The following STRN variants were observed in gnomAD, a reference collection of about 807,000 sequenced individuals.
The protein encoded by STRN is striatin.
In STRN, 53 loss-of-function variants were observed where a neutral mutation model predicts 96.3. That is an observed-to-expected ratio of 0.55 (90% confidence interval 0.44 to 0.69). The LOEUF is 0.69. STRN is among the 30% of genes least tolerant of loss of function. The pLI is 0.00. For missense variants in STRN, 987 were observed against 963.9 expected, an observed-to-expected ratio of 1.02 and a Z score of -0.32; for synonymous variants, 428 against 355.9, an observed-to-expected ratio of 1.20 and a Z score of -2.28.
chr2:36,941,482 G>A (rs533865501), intron 1 of STRN, among the ~76,000 whole-genome samples: 197 of 151,592 alleles, frequency 1.3e-3, no homozygotes, highest in African/African-American at 4.5e-3. Context: ...CTTTGAATTT[G>A]CCTTTCAATG....
chr2:36,934,809 G>A (rs1226712883), intron 1 of STRN, among the ~76,000 whole-genome samples: 1 of 152,150 alleles, frequency 6.6e-6, no homozygotes, highest in Non-Finnish European at 1.5e-5. Flanking sequence ...GGGCACGGTG[G>A]CTCATGCCTG....
chr2:36,842,088 G>A lies in STRN; in HGVS notation c.*7368C>T. The A allele has an allele frequency of 6.6e-6, 1 of 152,182 alleles. No individual in the cohort carries two copies. The highest frequency in any genetic ancestry group is 1.9e-4 in the East Asian group (1 of 5,202). 9.4% of individuals were successfully genotyped at this position (152,182 alleles called of 1,614,324 possible). ...ATTGTCTTGGTCCCATTTCCAAAGGGAAGTAGTTGGATGCCAGCATACTTT... is the reference window on the plus strand; with the variant it reads ...ATTGTCTTGGTCCCATTTCCAAAGGAAAGTAGTTGGATGCCAGCATACTTT... On this transcript the variant is annotated 3_prime_UTR_variant, in exon 18 of 18. Transcript: ENST00000263918.
chr2:36,966,149 G>A, intron 1 of STRN, 81 bp downstream of exon 1: 1 of 1,363,838 alleles, frequency 7.3e-7, no homozygotes, highest in Non-Finnish European at 9.5e-7. Context: ...AGAAGGCTGG[G>A]GGAGGGGGAG....
intron 1 of STRN, among the ~76,000 whole-genome samples, chr2:36,926,252 T>C (rs1670406389): frequency 1.3e-5 from 2 of 152,148 alleles, no homozygotes; most frequent in African/African-American, 4.8e-5. Flanking sequence ...CATTGACAAT[T>C]GAAATACTAT....
rs2540940 is a variant in STRN, at chr2:36,838,011, G to A, written c.*11445C>T. Among the ~76,000 whole-genome samples the A allele has an allele frequency of 0.022, 3,385 of 152,294 alleles. 116 individuals carry two copies. Among genetic ancestry groups the A allele is most frequent in the East Asian group, 0.13 (674 of 5,186 alleles). On this transcript the variant is annotated 3_prime_UTR_variant, in exon 18 of 18. Transcript: ENST00000263918. ...CTTCCATGGTTGATGTTACATTGCA[G>A]GGCAGAGGGACTTGGCAGATGTAAT...
At chr2:36,944,391 C>T (rs764664360) in intron 1 of STRN, among the ~76,000 whole-genome samples, 1 of 152,054 alleles carries the variant, frequency 6.6e-6, no homozygotes, top group Non-Finnish European at 1.5e-5. Flanking sequence ...ATTTGGTAAT[C>T]TCATATAAAC....
chr2:36,958,371 C>G (rs1664945987), intron 1 of STRN, among the ~76,000 whole-genome samples: 2 of 152,118 alleles, frequency 1.3e-5, no homozygotes, highest in African/African-American at 4.8e-5. Context: ...AAGACACTAA[C>G]TAAAAAATAA....
At chr2:36,893,778 T>C (rs1669465669) in intron 7 of STRN, 120 bp downstream of exon 7, 3 of 1,236,040 alleles carry the variant, frequency 2.4e-6, no homozygotes, top group Non-Finnish European at 3.3e-6. Context: ...GTGCTAGTAG[T>C]AATAAGTTCA....
rs973750575 is a variant in STRN at position 36,845,566 on chromosome 2, G to C, written c.*3890C>G. 1.3e-5 allele frequency: 2 copies of C among 152,068 alleles called. No homozygotes were observed. The highest frequency in any genetic ancestry group is 2.9e-5 in the Non-Finnish European group (2 of 67,994). 9.4% of individuals were successfully genotyped at this position (152,068 alleles called of 1,614,324 possible). On this transcript the variant is annotated 3_prime_UTR_variant, in exon 18 of 18. Transcript: ENST00000263918. ...CCACATAAGAACTTCATGACATGCT[G>C]TTTTGTAAGAGGGAAATATATGAAG...
rs1394396920 is a variant in STRN, at chr2:36,843,348, A to T, written c.*6108T>A. On this transcript the variant is annotated 3_prime_UTR_variant, in exon 18 of 18. Transcript: ENST00000263918. ...GGCAGGCCAAAGGCCTTGAAAAATA[A>T]TGTTGATTTGAAGGGGCAGGGAGTG... Among the ~76,000 whole-genome samples, 40 of 152,294 alleles carry T rather than the reference A, an allele frequency of 2.6e-4. No homozygotes were observed. Among genetic ancestry groups the T allele is most frequent in the Admixed American group, 2.6e-3 (40 of 15,292 alleles).
In STRN at chr2:36,851,009, T is replaced by G; in HGVS notation, c.2077A>C (p.Asn693His). Residue 693 changes from asparagine to histidine, a missense_variant, in exon 16 of 18, where the codon AAC becomes CAC. Physicochemically the swap from Asn to His is moderately conservative, Grantham distance 68. Transcript: ENST00000263918. Reference protein sequence around the residue: ...HEDRHIKFYDNNTGKLIHSMV... With the variant: ...HEDRHIKFYDHNTGKLIHSMV... ...CTTAATAAATTCTTACCTGTATTGT[T>G]ATCATAGAATTTGATGTGCCTGTCT... The G allele has an allele frequency of 6.2e-7, 1 of 1,608,756 alleles. No individual in the cohort carries two copies. Among genetic ancestry groups the G allele is most frequent in the Non-Finnish European group, 8.5e-7 (1 of 1,176,682 alleles).
At chr2:36,903,101 G>C (rs1669733031) in intron 4 of STRN, among the ~76,000 whole-genome samples, 2 of 152,152 alleles carry the variant, frequency 1.3e-5, no homozygotes, top group South Asian at 4.1e-4. Flanking sequence ...TATTCCGGTA[G>C]TTTTTTTAAA....
intron 6 of STRN, among the ~76,000 whole-genome samples, chr2:36,897,547 T>C (rs994302891): frequency 9.2e-5 from 14 of 151,686 alleles, no homozygotes; most frequent in African/African-American, 3.4e-4. Flanking sequence ...GCCATTCTCC[T>C]GCCTCAGCCT....
intron 1 of STRN, among the ~76,000 whole-genome samples, chr2:36,930,917 T>C (rs1247823032): frequency 6.6e-6 from 1 of 151,784 alleles, no homozygotes; most frequent in Non-Finnish European, 1.5e-5. Context: ...GCGCCTGTAA[T>C]CCCAGCTACT....
intron 10 of STRN, among the ~76,000 whole-genome samples, chr2:36,874,717 T>TAAAA (rs35268065): frequency 2.0e-4 from 17 of 86,276 alleles, no homozygotes; most frequent in East Asian, 7.5e-4. Flanking sequence ...TGTTTAGAGT[T>TAAAA]AAAAAAAAAA....
intron 1 of STRN, among the ~76,000 whole-genome samples, chr2:36,956,497 G>T (rs757485211): frequency 1.3e-5 from 2 of 152,078 alleles, no homozygotes; most frequent in Non-Finnish European, 2.9e-5. Context: ...AAAGATCCAA[G>T]GACAATTTTA....
chr2:36,951,598 T>C (rs901919639), intron 1 of STRN, among the ~76,000 whole-genome samples: 1 of 152,214 alleles, frequency 6.6e-6, no homozygotes, highest in South Asian at 2.1e-4. Flanking sequence ...AGACAAGATA[T>C]ACATATATAG....
chr2:36,888,937 G>A (rs888048147), intron 7 of STRN, among the ~76,000 whole-genome samples: 1 of 152,050 alleles, frequency 6.6e-6, no homozygotes, highest in Non-Finnish European at 1.5e-5. Context: ...TCCCACCTCA[G>A]CCTCCCAAAG....
rs1039291300 is a variant in STRN at position 36,843,583 on chromosome 2, C to T, written c.*5873G>A. On this transcript the variant is annotated 3_prime_UTR_variant, in exon 18 of 18. Coordinates refer to ENST00000263918, the MANE Select transcript of STRN (RefSeq NM_003162.4). ...TTCAGAGGCCCAAATTCTCTATAAA[C>T]TTCTCCTTCCTCACAATCAGTAATT... 4 of 152,052 alleles carry T rather than the reference C, an allele frequency of 2.6e-5. No individual in the cohort carries two copies. The highest frequency in any genetic ancestry group is 9.7e-5 in the African/African-American group (4 of 41,432). The allele number at this position is 152,052 out of a possible 1,614,324, so 9.4% of individuals were successfully genotyped here. A position where few individuals can be genotyped will look rare whatever the true frequency, so the allele number is the denominator to read the frequency against.
Sources: allele counts gnomAD v4.1 joint callset (sites outside exome capture counted in the v4.1 genomes callset), GRCh38; gene constraint gnomAD v4.1.1; transcripts MANE v1.5; gene names NCBI Gene and HGNC (gene_info 2026-07-23, HGNC 2026-07-21).